Variants in DAO observed in about 807,000 individuals in gnomAD.
The protein encoded by DAO is D-amino-acid oxidase.
Under a neutral mutation model 50.1 loss-of-function variants are expected in DAO, and 51 were observed. The observed-to-expected ratio is 1.02, with a 90% CI of 0.81 to 1.29. The LOEUF (loss-of-function observed/expected upper bound fraction) is 1.29. Among genes scored for constraint, DAO ranks in the 50% most tolerant of loss-of-function variants. DAO has a pLI of 0.00. For missense variants in DAO, 436 were observed against 439.4 expected (o/e 0.99, Z 0.07); for synonymous variants, 160 against 166.2 (o/e 0.96, Z 0.29).
intron 5 of DAO, among the ~76,000 whole-genome samples, chr12:108,891,306 C>G (rs2039489338): frequency 6.6e-6 from 1 of 151,742 alleles, no homozygotes; most frequent in South Asian, 2.1e-4. Flanking sequence ...AAAAATCAGC[C>G]AGGTATAATG....
chr12:108,884,999 C>A lies in DAO; in HGVS notation c.-8C>A. The A allele has an allele frequency of 6.2e-7, 1 of 1,614,128 alleles. No homozygotes were observed. Among genetic ancestry groups the A allele is most frequent in the Non-Finnish European group, 8.5e-7 (1 of 1,179,994 alleles). ...TGCCTCAACCCTTCCTTCCCACAGG[C>A]TGCTGCAATGCGTGTGGTGGTGATT... On this transcript the variant is annotated splice_region_variant and 5_prime_UTR_variant, in exon 2 of 11. In the 5' UTR this introduces an upstream ATG that the reference lacks. Transcript: ENST00000228476.
At chr12:108,888,354 G>A (rs76282743) in intron 3 of DAO, among the ~76,000 whole-genome samples, 5 of 126,714 alleles carry the variant, frequency 3.9e-5, no homozygotes, top group Non-Finnish European at 8.1e-5. Context: ...TTTTTTTTTT[G>A]AGACAGGGTC....
chr12:108,880,976 G>A (rs1780374713), intron 1 of DAO, among the ~76,000 whole-genome samples: 2 of 152,082 alleles, frequency 1.3e-5, no homozygotes. Context: ...CCTTGGGTGG[G>A]TGACTTCTCC....
At position 108,898,886 on chromosome 12, in the gene DAO, G is replaced by A. The variant is rs371315454; in HGVS notation, c.813+90G>A. ...TCAGGACGGGAAGATGCCACCGCTG[G>A]GATAACTGGGCAAATTAATTCCAGC... On this transcript the variant is annotated intron_variant, in intron 9 of 10. Transcript: ENST00000228476. The A allele has an allele frequency of 2.8e-5, 23 of 807,688 alleles. No homozygotes were observed. In the African/African-American group the frequency reaches 3.2e-4, roughly 11 times the overall value. 50.0% of individuals were successfully genotyped at this position (807,688 alleles called of 1,614,324 possible). A position where few individuals can be genotyped will look rare whatever the true frequency, so the allele number is the denominator to read the frequency against.
At position 108,896,419 on chromosome 12, in the gene DAO, C is replaced by CAAAAAAAAAAAAAAA. The variant is rs386377704; in HGVS notation, c.613-578_613-564dup. Reference sequence around the variant, plus strand: ...GCCTGGCAACAGAGCGAGGCTGTCTCAAAAAAAAAAAAAAAAAAAAAAATT... The same window carrying CAAAAAAAAAAAAAAA: ...GCCTGGCAACAGAGCGAGGCTGTCTCAAAAAAAAAAAAAAAAAAAAAAAAAAAAAAAAAAAAAATT... On this transcript the variant is annotated intron_variant, in intron 7 of 10. Coordinates refer to ENST00000228476, the MANE Select transcript of DAO (RefSeq NM_001917.5). Among the ~76,000 whole-genome samples, 262 of 59,490 alleles carry CAAAAAAAAAAAAAAA rather than the reference C, an allele frequency of 4.4e-3. 9 individuals carry two copies. Among genetic ancestry groups the CAAAAAAAAAAAAAAA allele is most frequent in the Middle Eastern group, 0.018 (2 of 110 alleles). The allele number at this position is 59,490 out of a possible 152,430, so 39.0% of individuals were successfully genotyped here.
chr12:108,893,041 G>A lies in DAO; in HGVS notation c.507+5G>A. ...AAAGTGGAGTCTTTTGAGGAGGTGA[G>A]TTGCAGGGCTGATGCGGTGGATGGG... On this transcript the variant is annotated splice_donor_5th_base_variant and intron_variant, in intron 6 of 10. Transcript: ENST00000228476. 6.2e-7 allele frequency: 1 copy of A among 1,613,492 alleles called. No homozygotes were observed. Among genetic ancestry groups the A allele is most frequent in the Non-Finnish European group, 8.5e-7 (1 of 1,179,646 alleles).
intron 5 of DAO, among the ~76,000 whole-genome samples, chr12:108,891,215 G>A (rs146840223): frequency 0.026 from 3,880 of 152,128 alleles, 189 homozygotes; most frequent in African/African-American, 0.09. Context: ...TTGAGAGGCC[G>A]AGGTGGGCAG....
At chr12:108,896,441 A>AAAAAAAAAAAAAAAAAG (rs2039558076) in intron 7 of DAO, among the ~76,000 whole-genome samples, 1 of 151,050 alleles carries the variant, frequency 6.6e-6, no homozygotes, top group African/African-American at 2.4e-5. Flanking sequence ...AAAAAAAAAA[A>AAAAAAAAAAAAAAAAAG]ATTGAAGGTT....
At chr12:108,895,571 C>A (rs111173935) in intron 7 of DAO, among the ~76,000 whole-genome samples, 1 of 126,712 alleles carries the variant, frequency 7.9e-6, no homozygotes, top group Non-Finnish European at 1.6e-5. Context: ...AAGGTGTGTG[C>A]GCATGTGAGA....
rs1259728477 is a variant in DAO, at chr12:108,887,486, C to A, written c.231C>A (p.Ser77Arg). The A allele has an allele frequency of 6.2e-7, 1 of 1,614,066 alleles. No individual in the cohort carries two copies. The highest frequency in any genetic ancestry group is 1.3e-5 in the African/African-American group (1 of 75,018). The change falls in exon 3 of 11, where the codon AGC becomes AGA. Residue 77 changes from serine (S) to arginine (R), a missense_variant. Coordinates refer to ENST00000228476, the MANE Select transcript of DAO (RefSeq NM_001917.5). ...WSQQTFDYLL[S>R]HVHSPNAENL... Reference sequence around the variant, plus strand: ...AACAGACCTTTGACTATCTCCTGAGCCATGTCCATTCTCCCAACGCTGAAA... The same window carrying A: ...AACAGACCTTTGACTATCTCCTGAGACATGTCCATTCTCCCAACGCTGAAA...
At chr12:108,893,619 A>G (rs1348784351) in intron 6 of DAO, among the ~76,000 whole-genome samples, 5 of 152,192 alleles carry the variant, frequency 3.3e-5, no homozygotes, top group Non-Finnish European at 7.3e-5. Flanking sequence ...TGGACACCGA[A>G]GATACATGGT....
At position 108,889,567 on chromosome 12, in the gene DAO, A is replaced by T. The variant is rs759596146; in HGVS notation, c.386+22A>T. The T allele has an allele frequency of 1.9e-6, 3 of 1,594,952 alleles. No homozygotes were observed. The African/African-American group carries it at 4.0e-5, about 21-fold the overall frequency. ...ACGGGTGAGTTTATTGTCACAGGCA[A>T]AGGGGACTGGGGCCTGACGAGTTAG... On this transcript the variant is annotated intron_variant, in intron 4 of 10. Transcript: ENST00000228476.
chr12:108,890,390 A>C, intron 5 of DAO, 117 bp downstream of exon 5: 1 of 784,660 alleles, frequency 1.3e-6, no homozygotes, highest in South Asian at 1.4e-5. Flanking sequence ...GAATACCCTT[A>C]GGCCTGGTGT....
At chr12:108,885,465 C>A (rs898126372) in intron 2 of DAO, among the ~76,000 whole-genome samples, 19 of 152,048 alleles carry the variant, frequency 1.2e-4, no homozygotes, top group African/African-American at 4.3e-4. Context: ...AAAAAATTAG[C>A]CGGGCATGGT....
chr12:108,884,760 C>G (rs2039416214), intron 1 of DAO, among the ~76,000 whole-genome samples: 1 of 152,122 alleles, frequency 6.6e-6, no homozygotes, highest in Non-Finnish European at 1.5e-5. Flanking sequence ...AAAGTTGCAT[C>G]ATTCACCAGC....
chr12:108,889,384 A>T, intron 3 of DAO, 85 bp from the exon 4 acceptor site: 1 of 883,128 alleles, frequency 1.1e-6, no homozygotes, highest in Non-Finnish European at 1.9e-6. Context: ...TGCTGGGATT[A>T]CAGGTGTGAG....
intron 5 of DAO, 97 bp downstream of exon 5, chr12:108,890,370 C>A: frequency 1.0e-6 from 1 of 953,726 alleles, no homozygotes; most frequent in East Asian, 2.5e-5. Context: ...GACTAACCCC[C>A]AGGTTTGAAG....
chr12:108,883,405 C>T (rs1187067105), intron 1 of DAO, among the ~76,000 whole-genome samples: 1 of 152,236 alleles, frequency 6.6e-6, no homozygotes, highest in Non-Finnish European at 1.5e-5. Flanking sequence ...CTCGGCCTCC[C>T]GAGGTATTGG....
chr12:108,895,845 G>A (rs150127320), intron 7 of DAO, among the ~76,000 whole-genome samples: 168 of 151,884 alleles, frequency 1.1e-3, no homozygotes, highest in African/African-American at 3.9e-3. Context: ...GTAGGGGTGC[G>A]TGTGTGTGTT....
Sources: gnomAD v4.1 joint callset for allele counts (sites outside exome capture counted in the v4.1 genomes callset) on GRCh38, gnomAD v4.1.1 for gene constraint, MANE v1.5 for transcripts, NCBI Gene and HGNC (gene_info 2026-07-23, HGNC 2026-07-21) for gene names.